The following RGS6 variants were observed in gnomAD, a reference collection of about 807,000 sequenced individuals.
RGS6 encodes regulator of G protein signaling 6, also known as regulator of G-protein signaling 6.
Under a neutral mutation model 78.5 loss-of-function variants are expected in RGS6, and 30 were observed. The observed-to-expected ratio is 0.38, with a 90% CI of 0.29 to 0.52. The LOEUF is 0.52. Ranked by LOEUF, RGS6 falls within the 20% of genes least tolerant of loss-of-function variation. The probability of loss-of-function intolerance (pLI) is 0.85; values close to 1 mark genes in which losing one functional copy is unlikely to be tolerated. For synonymous variants in RGS6, 206 were observed against 206.0 expected (o/e 1.00, Z 0.00); for missense variants, 495 against 609.7 (o/e 0.81, Z 1.98).
intron 17 of RGS6, among the ~76,000 whole-genome samples, chr14:72,550,984 C>T (rs542422301): frequency 1.7e-4 from 26 of 152,220 alleles, no homozygotes; most frequent in African/African-American, 6.3e-4. Flanking sequence ...GGATTACAGG[C>T]CTGCACCACC....
At chr14:72,592,748 CAG>C in the RGS6 span, among the ~76,000 whole-genome samples, 1 of 152,190 alleles carries the variant, frequency 6.6e-6, no homozygotes, top group African/African-American at 2.4e-5. Flanking sequence ...AGGAGACACT[CAG>C]AAAGCCTGGT....
At chr14:71,925,718 A>ATATTTATATTATATTATATTATATTATAT in the RGS6 span, among the ~76,000 whole-genome samples, 12,609 of 147,796 alleles carry the variant, frequency 0.085, 727 homozygotes, top group East Asian at 0.19. Context: ...ACTTCATATT[A>ATATTTATATTATATTATATTATATTATAT]TATTATATTA....
the RGS6 span, among the ~76,000 whole-genome samples, chr14:72,619,565 A>G: frequency 6.6e-6 from 1 of 152,164 alleles, no homozygotes; most frequent in Non-Finnish European, 1.5e-5. Context: ...AACTCTTATC[A>G]AGACCCTCAC....
chr14:72,296,449 C>G (rs2064842178), intron 2 of RGS6, among the ~76,000 whole-genome samples: 1 of 152,186 alleles, frequency 6.6e-6, no homozygotes, highest in African/African-American at 2.4e-5. Context: ...CACATCCATG[C>G]AATATATGAG....
intron 2 of RGS6, among the ~76,000 whole-genome samples, chr14:72,309,642 C>G (rs982961942): frequency 1.3e-5 from 2 of 152,216 alleles, no homozygotes; most frequent in Non-Finnish European, 2.9e-5. Flanking sequence ...ATTATTAATT[C>G]ATGCATTTGA....
intron 17 of RGS6, among the ~76,000 whole-genome samples, chr14:72,560,799 T>C (rs2097663696): frequency 1.3e-5 from 1 of 74,440 alleles, no homozygotes; most frequent in Admixed American, 1.2e-4. Context: ...TTTGTGGACG[T>C]GTGTGTGTGT....
intron 2 of RGS6, among the ~76,000 whole-genome samples, chr14:72,191,994 T>C (rs1395222349): frequency 6.6e-6 from 1 of 152,134 alleles, no homozygotes; most frequent in Non-Finnish European, 1.5e-5. Context: ...TTAGTGTTTG[T>C]CCTTAGAATA....
chr14:71,941,935 C>G (rs1209183303), intron 1 of RGS6, among the ~76,000 whole-genome samples: 1 of 152,146 alleles, frequency 6.6e-6, no homozygotes, highest in East Asian at 1.9e-4. Flanking sequence ...TCACAGTAAG[C>G]TCCTTACAGG....
At chr14:72,580,664 G>T in the RGS6 span, among the ~76,000 whole-genome samples, 5 of 152,246 alleles carry the variant, frequency 3.3e-5, no homozygotes, top group Non-Finnish European at 1.5e-5. Context: ...CCAAATGCAG[G>T]TGGAGAATGA....
chr14:72,350,102 TCC>T (rs1005966563), intron 2 of RGS6, among the ~76,000 whole-genome samples: 3 of 152,184 alleles, frequency 2.0e-5, no homozygotes, highest in Admixed American at 1.3e-4. Context: ...GGGATAAAAC[TCC>T]CTCTTCAGTT....
At chr14:72,171,405 G>A (rs2097016340) in intron 2 of RGS6, among the ~76,000 whole-genome samples, 1 of 152,164 alleles carries the variant, frequency 6.6e-6, no homozygotes, top group South Asian at 2.1e-4. Context: ...AGAGAAAAGA[G>A]GATTCTTTGA....
At chr14:72,532,139 A>G (rs912142186) in intron 15 of RGS6, among the ~76,000 whole-genome samples, 2 of 152,242 alleles carry the variant, frequency 1.3e-5, no homozygotes, top group African/African-American at 4.8e-5. Context: ...CAAGTCTATC[A>G]GCACCATTTT....
chr14:72,531,257 A>G (rs1598779770), intron 15 of RGS6, among the ~76,000 whole-genome samples: 1 of 151,900 alleles, frequency 6.6e-6, no homozygotes, highest in Non-Finnish European at 1.5e-5. Context: ...ACATGGGGAA[A>G]CCCCGTATCC....
At chr14:72,595,067 T>A in the RGS6 span, 2 of 152,120 alleles carry the variant, frequency 1.3e-5, no homozygotes, top group Non-Finnish European at 2.9e-5. Context: ...CCATAAATGA[T>A]TCATGGGGGA....
At chr14:72,387,564 A>AG (rs961859093) in intron 3 of RGS6, among the ~76,000 whole-genome samples, 35 of 151,904 alleles carry the variant, frequency 2.3e-4, no homozygotes, top group African/African-American at 8.2e-4. Context: ...AAAAAAAAAA[A>AG]GGAGAGGGAT....
chr14:72,620,491 G>C, the RGS6 span, among the ~76,000 whole-genome samples: 4 of 152,290 alleles, frequency 2.6e-5, no homozygotes, highest in East Asian at 7.7e-4. Context: ...TGCAAGTAGC[G>C]CCATCCCTCG....
intron 2 of RGS6, among the ~76,000 whole-genome samples, chr14:72,280,779 C>T (rs915128950): frequency 7.9e-5 from 12 of 152,212 alleles, no homozygotes; most frequent in African/African-American, 2.9e-4. Flanking sequence ...GGTTACTTGT[C>T]TGAGACCTCT....
the RGS6 span, among the ~76,000 whole-genome samples, chr14:71,879,942 GT>G: frequency 3.3e-5 from 5 of 152,248 alleles, no homozygotes; most frequent in Non-Finnish European, 7.3e-5. Flanking sequence ...AAGGGGGAAA[GT>G]TTGGAACTTC....
chr14:72,002,755 C>G (rs534835901), intron 2 of RGS6, among the ~76,000 whole-genome samples: 1 of 152,122 alleles, frequency 6.6e-6, no homozygotes, highest in African/African-American at 2.4e-5. Context: ...ATACATTATC[C>G]TCTGGACACT....
Sources: gnomAD v4.1 joint callset for allele counts (sites outside exome capture counted in the v4.1 genomes callset) on GRCh38, gnomAD v4.1.1 for gene constraint, MANE v1.5 for transcripts, NCBI Gene and HGNC (gene_info 2026-07-23, HGNC 2026-07-21) for gene names.